ZCCHC10: variants seen among roughly 807,000 people sequenced by gnomAD.
The protein encoded by ZCCHC10 is zinc finger CCHC-type containing 10.
In ZCCHC10, 16 loss-of-function variants were observed where a neutral mutation model predicts 19.5. The observed-to-expected ratio is 0.82, with a 90% CI of 0.56 to 1.25. The LOEUF is 1.25. Among genes scored for constraint, ZCCHC10 ranks in the 50% most tolerant of loss-of-function variants. The probability of loss-of-function intolerance (pLI) is 0.00; values close to 1 mark genes in which losing one functional copy is unlikely to be tolerated. For synonymous variants in ZCCHC10, 67 were observed against 72.5 expected, an observed-to-expected ratio of 0.92 and a Z score of 0.38; for missense variants, 197 against 201.0, an observed-to-expected ratio of 0.98 and a Z score of 0.12.
intron 3 of ZCCHC10, among the ~76,000 whole-genome samples, chr5:133,005,341 G>A (rs554175027): frequency 6.6e-6 from 1 of 152,088 alleles, no homozygotes; most frequent in East Asian, 1.9e-4. Context: ...AGCTGGGCAT[G>A]GTGGCTCATG....
intron 2 of ZCCHC10, among the ~76,000 whole-genome samples, chr5:133,019,500 T>C (rs776312680): frequency 6.6e-6 from 1 of 152,154 alleles, no homozygotes; most frequent in Non-Finnish European, 1.5e-5. Context: ...ATACCAAAAA[T>C]ACTAGGACAC....
At chr5:133,023,437 GTCT>G (rs1764460006) in intron 1 of ZCCHC10, among the ~76,000 whole-genome samples, 1 of 147,570 alleles carries the variant, frequency 6.8e-6, no homozygotes, top group Non-Finnish European at 1.5e-5. Flanking sequence ...TTTTTTCCCC[GTCT>G]TCTTCTATTA....
chr5:133,002,866 C>T (rs1485734097), intron 3 of ZCCHC10, among the ~76,000 whole-genome samples: 8 of 151,804 alleles, frequency 5.3e-5, no homozygotes, highest in Non-Finnish European at 1.0e-4. Flanking sequence ...ATTACAGGTG[C>T]CCGCCACCAT....
intron 1 of ZCCHC10, among the ~76,000 whole-genome samples, chr5:133,025,275 C>T (rs997352676): frequency 1.8e-4 from 27 of 151,944 alleles, no homozygotes; most frequent in Middle Eastern, 3.4e-3. Context: ...GAGGCCAAGG[C>T]GGGCGGATCT....
intron 1 of ZCCHC10, among the ~76,000 whole-genome samples, chr5:133,024,050 C>A (rs1159684785): frequency 3.3e-5 from 5 of 152,128 alleles, no homozygotes; most frequent in Non-Finnish European, 5.9e-5. Context: ...TGCTTCCCAA[C>A]AAGACCAGAA....
chr5:133,005,786 G>C (rs964298096), intron 3 of ZCCHC10, among the ~76,000 whole-genome samples: 6 of 152,106 alleles, frequency 3.9e-5, no homozygotes, highest in African/African-American at 1.4e-4. Context: ...TAGAAAAGGA[G>C]ACCAGTAGGC....
intron 1 of ZCCHC10, among the ~76,000 whole-genome samples, chr5:133,026,160 G>T (rs975799091): frequency 6.6e-6 from 1 of 152,198 alleles, no homozygotes; most frequent in Non-Finnish European, 1.5e-5. Flanking sequence ...TGTCGGACCG[G>T]GGCTTCAGGG....
At chr5:133,000,025 G>C in intron 4 of ZCCHC10, 107 bp downstream of exon 4, 1 of 1,287,802 alleles carries the variant, frequency 7.8e-7, no homozygotes. Flanking sequence ...TGGGATTATA[G>C]GCATGAGCCA....
intron 3 of ZCCHC10, among the ~76,000 whole-genome samples, chr5:133,000,667 C>CA (rs2126540875): frequency 7.4e-6 from 1 of 134,468 alleles, no homozygotes; most frequent in South Asian, 2.3e-4. Flanking sequence ...TTTTTTGAGA[C>CA]AAAGTCTTGT....
At chr5:133,012,880 C>T (rs1010908458) in intron 2 of ZCCHC10, among the ~76,000 whole-genome samples, 7 of 151,988 alleles carry the variant, frequency 4.6e-5, no homozygotes, top group African/African-American at 1.4e-4. Flanking sequence ...GAAACCCCGT[C>T]TCTATTAAAA....
chr5:132,998,780 C>T lies in ZCCHC10; in HGVS notation c.382G>A (p.Glu128Lys). Residue 128 changes from glutamate to lysine, a missense_variant, in exon 5 of 5, where the codon GAA becomes AAA. Physicochemically the swap from Glu to Lys is moderately conservative, Grantham distance 56. Transcript: ENST00000509437. ...GAGGAGGAAGAGGTAGATGTTTCTT[C>T]ACTCTCTGATGAAGAATCACTGGCA... Reference protein sequence around the residue: ...SSASDSSSESEETSTSSSSED... With the variant: ...SSASDSSSESKETSTSSSSED... 1 of 1,614,180 alleles carries T rather than the reference C, an allele frequency of 6.2e-7. No homozygotes were observed. Among genetic ancestry groups the T allele is most frequent in the Middle Eastern group, 1.6e-4 (1 of 6,062 alleles).
At chr5:133,007,959 C>A (rs1561540287) in intron 2 of ZCCHC10, among the ~76,000 whole-genome samples, 1 of 152,102 alleles carries the variant, frequency 6.6e-6, no homozygotes, top group Non-Finnish European at 1.5e-5. Flanking sequence ...GGTGTGGTGG[C>A]TCACACCTGT....
chr5:133,020,622 T>TAAAAAAAAAAAAAAAAAAAACAAAAAAA (rs144162284), intron 2 of ZCCHC10, among the ~76,000 whole-genome samples: 1 of 124,710 alleles, frequency 8.0e-6, no homozygotes, highest in African/African-American at 2.9e-5. Context: ...AGCCTGTCTT[T>TAAAAAAAAAAAAAAAAAAAACAAAAAAA]AAAAAAAAAA....
chr5:132,999,723 C>A (rs2067168918), intron 4 of ZCCHC10, among the ~76,000 whole-genome samples: 1 of 152,072 alleles, frequency 6.6e-6, no homozygotes, highest in South Asian at 2.1e-4. Flanking sequence ...TTATAAATTG[C>A]AGTAAGAGGC....
At chr5:133,016,365 C>A (rs924819083) in intron 2 of ZCCHC10, among the ~76,000 whole-genome samples, 2 of 152,158 alleles carry the variant, frequency 1.3e-5, no homozygotes, top group African/African-American at 4.8e-5. Context: ...TTAATTCTAA[C>A]CCAATTTCAC....
chr5:133,016,535 G>A (rs546248075), intron 2 of ZCCHC10, among the ~76,000 whole-genome samples: 11 of 151,912 alleles, frequency 7.2e-5, no homozygotes, highest in East Asian at 5.8e-4. Context: ...CTCCGCCTCC[G>A]GGGTTCAATC....
intron 3 of ZCCHC10, among the ~76,000 whole-genome samples, chr5:133,006,224 T>C (rs1763113577): frequency 6.6e-6 from 1 of 152,024 alleles, no homozygotes; most frequent in Non-Finnish European, 1.5e-5. Context: ...GTTGGGATTA[T>C]AGGTGTGAGC....
chr5:133,022,091 C>A (rs529272018), intron 2 of ZCCHC10, among the ~76,000 whole-genome samples: 1 of 152,124 alleles, frequency 6.6e-6, no homozygotes, highest in Non-Finnish European at 1.5e-5. Flanking sequence ...CCACCGCACC[C>A]GGCCTACTTT....
chr5:133,015,432 C>A (rs1763858594), intron 2 of ZCCHC10, among the ~76,000 whole-genome samples: 1 of 152,080 alleles, frequency 6.6e-6, no homozygotes, highest in Non-Finnish European at 1.5e-5. Flanking sequence ...AATATGTTCA[C>A]AAATTTTGTG....
Sources: allele counts gnomAD v4.1 joint callset (sites outside exome capture counted in the v4.1 genomes callset), GRCh38; gene constraint gnomAD v4.1.1; transcripts MANE v1.5; gene names NCBI Gene and HGNC (gene_info 2026-07-23, HGNC 2026-07-21).